ABCC1: variants seen among roughly 807,000 people sequenced by gnomAD.
ABCC1 encodes multidrug resistance-associated protein 1.
In ABCC1, 83 loss-of-function variants were observed where a neutral mutation model predicts 172.9. That is an observed-to-expected ratio of 0.48 (90% confidence interval 0.40 to 0.58). The LOEUF is 0.58. Ranked by LOEUF, ABCC1 falls within the 20% of genes least tolerant of loss-of-function variation. The pLI is 0.00. For missense variants in ABCC1, 1,817 were observed against 2,002.7 expected (o/e 0.91, Z 1.77); for synonymous variants, 937 against 825.2 (o/e 1.14, Z -2.32).
chr16:16,130,937 A>G (rs1288919949), intron 26 of ABCC1, among the ~76,000 whole-genome samples: 1 of 152,172 alleles, frequency 6.6e-6, no homozygotes, highest in Middle Eastern at 3.2e-3. Flanking sequence ...CCTGGCCAAC[A>G]TGGTGAAACC....
intron 1 of ABCC1, among the ~76,000 whole-genome samples, chr16:15,965,159 A>C (rs184591730): frequency 1.3e-5 from 2 of 152,266 alleles, no homozygotes; most frequent in Non-Finnish European, 2.9e-5. Flanking sequence ...GTATTTTCCC[A>C]TGTACCCACG....
chr16:16,009,953 ACCAAAAGTAAT>A (rs758711583), intron 3 of ABCC1, 52 bp downstream of exon 3: 1 of 1,434,030 alleles, frequency 7.0e-7, no homozygotes, highest in African/African-American at 1.5e-5. Context: ...CTCAGTGGAG[ACCAAAAGTAAT>A]AACTCGTAAG....
chr16:15,994,710 C>T (rs2046996369), intron 1 of ABCC1, among the ~76,000 whole-genome samples: 1 of 152,026 alleles, frequency 6.6e-6, no homozygotes. Flanking sequence ...GCCTTCCTCT[C>T]CCTGGTTTCA....
chr16:16,103,488 G>A (rs1051698143), intron 20 of ABCC1, among the ~76,000 whole-genome samples: 19 of 152,032 alleles, frequency 1.2e-4, no homozygotes, highest in African/African-American at 3.1e-4. Context: ...GCTGAGGCAC[G>A]AGAATCGCTT....
At chr16:15,954,465 C>G (rs895199167) in intron 1 of ABCC1, among the ~76,000 whole-genome samples, 2 of 152,130 alleles carry the variant, frequency 1.3e-5, no homozygotes, top group African/African-American at 4.8e-5. Context: ...GATGTGGACA[C>G]TGAGGTCCAG....
intron 11 of ABCC1, among the ~76,000 whole-genome samples, chr16:16,055,474 C>T (rs1167322243): frequency 6.6e-6 from 1 of 151,352 alleles, no homozygotes; most frequent in African/African-American, 2.4e-5. Context: ...CTCTTTAACC[C>T]GGGAGGCAGA....
intron 19 of ABCC1, chr16:16,098,821 C>G: frequency 1.5e-6 from 2 of 1,339,706 alleles, no homozygotes; most frequent in Non-Finnish European, 2.0e-6. Context: ...GGGCTTAGGG[C>G]GGGAGTTTCG....
chr16:16,011,407 CAG>C (rs1406449632), intron 3 of ABCC1, among the ~76,000 whole-genome samples: 1 of 152,036 alleles, frequency 6.6e-6, no homozygotes, highest in Non-Finnish European at 1.5e-5. Flanking sequence ...GTGGATGTGA[CAG>C]AGGGGTCAGG....
intron 3 of ABCC1, among the ~76,000 whole-genome samples, chr16:16,010,698 C>T (rs2047744273): frequency 6.6e-6 from 1 of 152,188 alleles, no homozygotes; most frequent in Non-Finnish European, 1.5e-5. Flanking sequence ...CTTGGTGTTT[C>T]ACGTGTCTTG....
chr16:16,092,730 C>G (rs2051305734), intron 19 of ABCC1, among the ~76,000 whole-genome samples: 1 of 152,200 alleles, frequency 6.6e-6, no homozygotes, highest in Non-Finnish European at 1.5e-5. Flanking sequence ...TGGTTTGTGC[C>G]TGTAATCCCA....
At chr16:16,132,290 G>A (rs901272343) in intron 27 of ABCC1, among the ~76,000 whole-genome samples, 3 of 151,772 alleles carry the variant, frequency 2.0e-5, no homozygotes, top group African/African-American at 7.3e-5. Context: ...CCCAAGTGGG[G>A]GGACTACACA....
intron 5 of ABCC1, 37 bp from the exon 6 acceptor site, chr16:16,033,072 C>A: frequency 6.3e-7 from 1 of 1,599,986 alleles, no homozygotes; most frequent in South Asian, 1.1e-5. Context: ...TCATTCCTTT[C>A]CCTCTTCCTC....
chr16:16,042,235 A>T (rs2049004822), intron 7 of ABCC1, among the ~76,000 whole-genome samples: 1 of 147,246 alleles, frequency 6.8e-6, no homozygotes. Context: ...CCCCCTTCCC[A>T]GGCATCCAGC....
At chr16:16,067,410 A>G (rs1442237613) in intron 12 of ABCC1, among the ~76,000 whole-genome samples, 1 of 152,162 alleles carries the variant, frequency 6.6e-6, no homozygotes, top group Non-Finnish European at 1.5e-5. Flanking sequence ...TGGAAGAATG[A>G]TCTAAGGAAT....
At chr16:16,055,643 C>T (rs1458242992) in intron 11 of ABCC1, among the ~76,000 whole-genome samples, 4 of 152,022 alleles carry the variant, frequency 2.6e-5, no homozygotes, top group Admixed American at 1.3e-4. Context: ...TGAATCCCTT[C>T]TTTTCTGTAC....
Position 16,141,183 on chromosome 16 carries a change from T to C in ABCC1, c.4498T>C (p.Leu1500=), listed in dbSNP as rs1457848535. The change falls in exon 31 of 31, where the codon TTG becomes CTG. Residue 1500 remains leucine, a synonymous_variant. Coordinates refer to ENST00000399410, the MANE Select transcript of ABCC1 (RefSeq NM_004996.4). ...TIMDYTRVIV[L]DKGEIQEYGA... ...TCCCCTCTCCCTCAGGGTGATCGTC[T>C]TGGACAAAGGAGAAATCCAGGAGTA... The C allele has an allele frequency of 2.5e-6, 4 of 1,613,788 alleles. No homozygotes were observed. Among genetic ancestry groups the C allele is most frequent in the Admixed American group, 3.3e-5 (2 of 59,988 alleles).
At chr16:16,079,580 G>A (rs528222301) in intron 16 of ABCC1, 102 bp downstream of exon 16, 22 of 1,417,944 alleles carry the variant, frequency 1.6e-5, no homozygotes, top group Non-Finnish European at 1.8e-5. Context: ...TGCCAGAAGC[G>A]AAAGCAGCAA....
intron 19 of ABCC1, among the ~76,000 whole-genome samples, chr16:16,097,813 G>T (rs1395886911): frequency 1.3e-5 from 2 of 152,212 alleles, no homozygotes; most frequent in Non-Finnish European, 2.9e-5. Flanking sequence ...GTGAGCCTCT[G>T]TGTGGAATGG....
At chr16:15,957,826 T>C (rs370759606) in intron 1 of ABCC1, among the ~76,000 whole-genome samples, 1 of 151,848 alleles carries the variant, frequency 6.6e-6, no homozygotes, top group East Asian at 2.0e-4. Flanking sequence ...TCTCTTGACC[T>C]CGTGATCCGC....
Sources: allele counts gnomAD v4.1 joint callset (sites outside exome capture counted in the v4.1 genomes callset), GRCh38; gene constraint gnomAD v4.1.1; transcripts MANE v1.5; gene names NCBI Gene and HGNC (gene_info 2026-07-23, HGNC 2026-07-21).